ADCY8: variants seen among roughly 807,000 people sequenced by gnomAD.
ADCY8 encodes adenylate cyclase type 8.
A neutral mutation model predicts 119.7 loss-of-function variants in ADCY8; 51 were observed. The observed-to-expected ratio is 0.43, with a 90% CI of 0.34 to 0.54. ADCY8 has a LOEUF of 0.54. Among genes scored for constraint, ADCY8 ranks in the 20% least tolerant of loss-of-function variants. The pLI is 0.03. For missense variants in ADCY8, 1,383 were observed against 1,598.8 expected, an observed-to-expected ratio of 0.87 and a Z score of 2.30; for synonymous variants, 665 against 651.0, an observed-to-expected ratio of 1.02 and a Z score of -0.33.
intron 1 of ADCY8, among the ~76,000 whole-genome samples, chr8:131,001,524 G>A (rs1041114703): frequency 5.3e-5 from 8 of 149,554 alleles, no homozygotes; most frequent in African/African-American, 9.8e-5. Flanking sequence ...CTATATATAC[G>A]TGTGTGTATA....
chr8:130,852,328 C>G (rs1280068905), intron 9 of ADCY8, among the ~76,000 whole-genome samples: 3 of 151,958 alleles, frequency 2.0e-5, no homozygotes, highest in Non-Finnish European at 4.4e-5. Flanking sequence ...TGTAGGAGTT[C>G]TATATAAGAA....
At chr8:130,884,414 T>C (rs960088887) in intron 8 of ADCY8, 150 bp downstream of exon 8, 3 of 754,828 alleles carry the variant, frequency 4.0e-6, no homozygotes, top group Non-Finnish European at 6.5e-6. Context: ...CTCATGATTT[T>C]CAAGGAGAAA....
intron 5 of ADCY8, among the ~76,000 whole-genome samples, chr8:130,918,141 A>G (rs1374286429): frequency 6.6e-6 from 1 of 152,244 alleles, no homozygotes; most frequent in Non-Finnish European, 1.5e-5. Flanking sequence ...TAATCAACTC[A>G]GGCTGCCATA....
At chr8:130,897,281 A>G (rs759155441) in intron 7 of ADCY8, among the ~76,000 whole-genome samples, 2 of 152,102 alleles carry the variant, frequency 1.3e-5, no homozygotes, top group Non-Finnish European at 2.9e-5. Context: ...TCTAATAAAT[A>G]CAGAGAACAA....
rs377590211 is a variant in ADCY8, at chr8:130,864,371, C to G, written c.2210+3475G>C. On this transcript the variant is annotated intron_variant, in intron 9 of 17. Coordinates refer to ENST00000286355, the MANE Select transcript of ADCY8 (RefSeq NM_001115.3). ...TTTAAAATTCTGTGTTTCTGTGATT[C>G]TGTGGTTTGTTGTCTATTATTAATT... is the stretch of plus-strand genomic sequence containing the variant. 1.1e-3 allele frequency among the ~76,000 whole-genome samples: 171 copies of G among 152,138 alleles called. 1 individual carries two copies. The highest frequency in any genetic ancestry group is 6.8e-3 in the Middle Eastern group (2 of 294).
intron 8 of ADCY8, among the ~76,000 whole-genome samples, chr8:130,883,461 G>A (rs1268461113): frequency 6.6e-6 from 1 of 152,138 alleles, no homozygotes; most frequent in Non-Finnish European, 1.5e-5. Flanking sequence ...AACTGTAGGT[G>A]AAGGTATTAA....
At chr8:130,932,829 C>T (rs1392725433) in intron 5 of ADCY8, among the ~76,000 whole-genome samples, 1 of 152,158 alleles carries the variant, frequency 6.6e-6, no homozygotes. Context: ...ATATTGGCAC[C>T]CTATCCTACC....
At chr8:130,817,990 T>C (rs1473027966) in intron 13 of ADCY8, among the ~76,000 whole-genome samples, 1 of 152,222 alleles carries the variant, frequency 6.6e-6, no homozygotes, top group Non-Finnish European at 1.5e-5. Context: ...AATTGTAGTC[T>C]ATAAAACCAA....
rs781046385 is a variant in ADCY8 at position 130,849,794 on chromosome 8, T to C, written c.2220A>G (p.Pro740=). 6.2e-7 allele frequency: 1 copy of C among 1,612,486 alleles called. No homozygotes were observed. The highest frequency in any genetic ancestry group is 1.1e-5 in the South Asian group (1 of 90,810). Residue 740 remains proline, a synonymous_variant, in exon 10 of 18, where the codon CCA becomes CCG. Transcript: ENST00000286355. ...QSLLPSSRVM[P]MTIQFSILIM... The stretch of plus-strand genomic sequence containing the variant: ...TCAGAATGGAGAACTGGATGGTCAT[T>C]GGCATCACTCTGCAGGGAAACACAG...
At chr8:131,020,040 G>C (rs1442404345) in intron 1 of ADCY8, among the ~76,000 whole-genome samples, 1 of 152,064 alleles carries the variant, frequency 6.6e-6, no homozygotes, top group East Asian at 1.9e-4. Flanking sequence ...ACAGCTGAGG[G>C]GTAGAAGATG....
Position 130,836,149 on chromosome 8 carries a change from A to T in ADCY8, c.2675+128T>A, listed in dbSNP as rs1816978740. On this transcript the variant is annotated intron_variant, in intron 12 of 17. Coordinates refer to ENST00000286355, the MANE Select transcript of ADCY8 (RefSeq NM_001115.3). ...GGACTTGTAAACTACAGAATGCCTG[A>T]TTTGAGATATAAGTCAATATCCAAT... The T allele has an allele frequency of 2.8e-6, 3 of 1,071,696 alleles. No homozygotes were observed. The East Asian group carries it at 7.5e-5, about 27-fold the overall frequency. The allele number at this position is 1,071,696 out of a possible 1,614,324, so 66.4% of individuals were successfully genotyped here. A position where few individuals can be genotyped will look rare whatever the true frequency, so the allele number is the denominator to read the frequency against.
At chr8:130,998,462 C>T (rs554197716) in intron 1 of ADCY8, among the ~76,000 whole-genome samples, 4 of 152,200 alleles carry the variant, frequency 2.6e-5, no homozygotes, top group Admixed American at 2.0e-4. Flanking sequence ...CTTGTGGGAG[C>T]CTGGGGAAGA....
chr8:130,907,828 G>A (rs901814660), intron 6 of ADCY8, among the ~76,000 whole-genome samples: 2 of 152,204 alleles, frequency 1.3e-5, no homozygotes, highest in African/African-American at 4.8e-5. Flanking sequence ...TTCGGGGTAA[G>A]AAGGAACCCT....
chr8:130,894,411 T>C (rs953958006), intron 7 of ADCY8, among the ~76,000 whole-genome samples: 32 of 152,166 alleles, frequency 2.1e-4, no homozygotes, highest in African/African-American at 7.7e-4. Context: ...TGGTCCTGTG[T>C]TTAAGTTTTC....
intron 2 of ADCY8, among the ~76,000 whole-genome samples, chr8:130,960,603 G>T (rs1286634420): frequency 1.3e-5 from 2 of 152,242 alleles, no homozygotes; most frequent in East Asian, 3.9e-4. Context: ...GCCTGGAAAT[G>T]GTCAGAATGG....
chr8:130,791,253 G>A (rs146018592), intron 15 of ADCY8, among the ~76,000 whole-genome samples: 32 of 152,344 alleles, frequency 2.1e-4, no homozygotes, highest in African/African-American at 7.7e-4. Context: ...GAAAAGGGGA[G>A]AATGCTGGAG....
chr8:130,872,137 C>T (rs1321047367), intron 8 of ADCY8, among the ~76,000 whole-genome samples: 2 of 152,066 alleles, frequency 1.3e-5, no homozygotes, highest in East Asian at 1.9e-4. Context: ...ATTATTATTT[C>T]TCAATCTTTA....
At chr8:130,787,736 ATG>A (rs746729825) in intron 15 of ADCY8, among the ~76,000 whole-genome samples, 48 of 151,516 alleles carry the variant, frequency 3.2e-4, no homozygotes, top group Middle Eastern at 3.4e-3. Context: ...GCATGTGTGC[ATG>A]TGTGTGTTGT....
chr8:130,945,874 T>C (rs67973976), intron 3 of ADCY8, among the ~76,000 whole-genome samples: 15,835 of 152,230 alleles, frequency 0.1, 966 homozygotes, highest in African/African-American at 0.15. Flanking sequence ...TCCATGTAAC[T>C]TATGAGGGAG....
Sources: gnomAD v4.1 joint callset for allele counts (sites outside exome capture counted in the v4.1 genomes callset) on GRCh38, gnomAD v4.1.1 for gene constraint, MANE v1.5 for transcripts, NCBI Gene and HGNC (gene_info 2026-07-23, HGNC 2026-07-21) for gene names.